The following SPATA6L variants were observed in gnomAD, a reference collection of about 807,000 sequenced individuals.
SPATA6L encodes the protein spermatogenesis associated 6 like.
Under a neutral mutation model 49.2 loss-of-function variants are expected in SPATA6L, and 68 were observed. The ratio of observed to expected loss-of-function variants is 1.38; its 90% CI spans 1.14 to 1.69. The LOEUF is 1.69. SPATA6L is among the 40% of genes most tolerant of loss of function. The pLI, the probability that SPATA6L is intolerant of heterozygous loss-of-function variation, is 0.00. For missense variants in SPATA6L, 668 were observed against 464.3 expected, an observed-to-expected ratio of 1.44 and a Z score of -4.03; for synonymous variants, 198 against 165.7, an observed-to-expected ratio of 1.19 and a Z score of -1.50.
chr9:4,642,164 A>C (rs1453554379), intron 3 of SPATA6L, among the ~76,000 whole-genome samples: 1 of 152,144 alleles, frequency 6.6e-6, no homozygotes, highest in Non-Finnish European at 1.5e-5. Flanking sequence ...TTTTATAGTG[A>C]GATTACTTAG....
chr9:4,651,631 A>T (rs7041319), intron 3 of SPATA6L, among the ~76,000 whole-genome samples: 6 of 151,930 alleles, frequency 3.9e-5, no homozygotes, highest in African/African-American at 7.3e-5. Flanking sequence ...ACATATAGAA[A>T]GGCTTATATA....
At chr9:4,651,314 G>A (rs1836797934) in intron 3 of SPATA6L, among the ~76,000 whole-genome samples, 3 of 152,154 alleles carry the variant, frequency 2.0e-5, no homozygotes, top group Admixed American at 1.3e-4. Flanking sequence ...GACTCAAGAA[G>A]AAACAGAAAA....
intron 6 of SPATA6L, among the ~76,000 whole-genome samples, chr9:4,624,264 T>A (rs1829930170): frequency 6.6e-6 from 1 of 152,210 alleles, no homozygotes; most frequent in Non-Finnish European, 1.5e-5. Context: ...AAAACTAATC[T>A]GTATATACAG....
downstream of SPATA6L, chr9:4,596,588 T>TA (rs1167960390): frequency 6.6e-6 from 1 of 152,196 alleles, no homozygotes; most frequent in African/African-American, 2.4e-5. Context: ...GGGGACTTCC[T>TA]AAAAATGCCG....
chr9:4,600,608 A>T lies in SPATA6L; in HGVS notation c.*203T>A, dbSNP rs1383232665. On this transcript the variant is annotated 3_prime_UTR_variant, in exon 12 of 12. Transcript: ENST00000682582. ...CACAAATTTTCCAGCTTGACAAGAA[A>T]ATGTTAGCCCCCAAACAGCAAACAC... 1.3e-5 allele frequency: 2 copies of T among 152,188 alleles called. No individual in the cohort carries two copies. The highest frequency in any genetic ancestry group is 2.9e-5 in the Non-Finnish European group (2 of 68,030). The allele number at this position is 152,188 out of a possible 1,614,324, so 9.4% of individuals were successfully genotyped here.
chr9:4,648,632 A>G (rs301481), intron 3 of SPATA6L, among the ~76,000 whole-genome samples: 20,868 of 150,878 alleles, frequency 0.14, 2,209 homozygotes, highest in African/African-American at 0.29. Flanking sequence ...CCCGGGAGGC[A>G]GAGCTTGCAG....
At chr9:4,659,301 C>G (rs912553272) in intron 2 of SPATA6L, among the ~76,000 whole-genome samples, 1 of 152,320 alleles carries the variant, frequency 6.6e-6, no homozygotes, top group South Asian at 2.1e-4. Context: ...CATCACTTTC[C>G]AGACCTTTAA....
At chr9:4,665,299 G>T (rs763129978) in intron 1 of SPATA6L, 4 of 157,526 alleles carry the variant, frequency 2.5e-5, no homozygotes, top group Admixed American at 2.0e-4. Context: ...GCCTTGATGA[G>T]GAGGGAGACA....
chr9:4,596,860 G>A (rs1257438872), downstream of SPATA6L, among the ~76,000 whole-genome samples: 1 of 152,174 alleles, frequency 6.6e-6, no homozygotes, highest in African/African-American at 2.4e-5. Flanking sequence ...AGCAGGGTTT[G>A]CAAACTGGCT....
At chr9:4,615,175 G>A (rs747166093) in intron 9 of SPATA6L, among the ~76,000 whole-genome samples, 1 of 152,152 alleles carries the variant, frequency 6.6e-6, no homozygotes, top group African/African-American at 2.4e-5. Context: ...AAACATTCCA[G>A]AAGTACCACC....
At chr9:4,654,043 A>C (rs1174315219) in intron 3 of SPATA6L, among the ~76,000 whole-genome samples, 5 of 152,220 alleles carry the variant, frequency 3.3e-5, no homozygotes. Context: ...ATATCTCATG[A>C]AAATGTGTTC....
rs746519951 is a variant in SPATA6L at position 4,662,009 on chromosome 9, C to G, written c.67G>C (p.Gly23Arg). ...ACCCCGAGGTACACATCTTGTTTGCCAGGCAGGAACACTCCTGGGCAAGAA... is the reference window on the plus strand; with the variant it reads ...ACCCCGAGGTACACATCTTGTTTGCGAGGCAGGAACACTCCTGGGCAAGAA... ...AISCPGVFLP[G>R]KQDVYLGVYL... The change falls in exon 2 of 12, where the codon GGC (glycine) becomes CGC (arginine). Residue 23 changes from glycine to arginine, a missense_variant. Gly to Arg is a moderately radical substitution (Grantham distance 125, BLOSUM62 -2). Coordinates refer to ENST00000682582, the MANE Select transcript of SPATA6L (RefSeq NM_001353486.2). The surrounding 1 kb of genome is among the most constrained non-coding windows in gnomAD (Gnocchi z 4.9). The G allele has an allele frequency of 4.3e-6, 7 of 1,613,928 alleles. No individual in the cohort carries two copies. In the African/African-American group the frequency reaches 9.3e-5, roughly 22 times the overall value.
rs1825863054 is a variant in SPATA6L at position 4,608,484 on chromosome 9, A to C, written c.996-3044T>G. ...TGCAATCAAACTAGAACTCAGGATTAAGAATCTCACTCAAAACCACTCAAC... is the reference window on the plus strand; with the variant it reads ...TGCAATCAAACTAGAACTCAGGATTCAGAATCTCACTCAAAACCACTCAAC... On this transcript the variant is annotated intron_variant, in intron 9 of 11. Coordinates refer to ENST00000682582, the MANE Select transcript of SPATA6L (RefSeq NM_001353486.2). 1.2e-4 allele frequency among the ~76,000 whole-genome samples: 13 copies of C among 112,820 alleles called. 1 individual carries two copies. In the South Asian group the frequency reaches 4.3e-3, roughly 37 times the overall value. The allele number at this position is 112,820 out of a possible 152,430, so 74.0% of individuals were successfully genotyped here.
intron 9 of SPATA6L, among the ~76,000 whole-genome samples, chr9:4,610,079 C>A (rs994434913): frequency 7.2e-5 from 11 of 152,086 alleles, no homozygotes; most frequent in Non-Finnish European, 1.5e-4. Flanking sequence ...CCTAGGAATC[C>A]AACTTACAAG....
intron 3 of SPATA6L, chr9:4,646,311 T>C: frequency 2.5e-6 from 1 of 402,458 alleles, no homozygotes; most frequent in South Asian, 1.0e-4. Context: ...ATTCTGAAAA[T>C]AGACAAAATT....
At chr9:4,612,772 C>G (rs1389820515) in intron 9 of SPATA6L, among the ~76,000 whole-genome samples, 1 of 152,152 alleles carries the variant, frequency 6.6e-6, no homozygotes, top group African/African-American at 2.4e-5. Context: ...TGATTGAATT[C>G]ATTCTCTCGT....
Position 4,662,002 on chromosome 9 carries a change from T to C in SPATA6L, c.74A>G (p.Gln25Arg), listed in dbSNP as rs1268268973. The C allele has an allele frequency of 6.2e-7, 1 of 1,614,084 alleles. No individual in the cohort carries two copies. Reference sequence around the variant, plus strand: ...GAGGTAGACCCCGAGGTACACATCTTGTTTGCCAGGCAGGAACACTCCTGG... The same window carrying C: ...GAGGTAGACCCCGAGGTACACATCTCGTTTGCCAGGCAGGAACACTCCTGG... ...SCPGVFLPGK[Q>R]DVYLGVYLMN... Residue 25 changes from glutamine to arginine, a missense_variant, in exon 2 of 12, where the codon CAA becomes CGA. Transcript: ENST00000682582. This position sits in a 1 kb window ranked among gnomAD's most constrained non-coding sequence, Gnocchi z 4.9.
Position 4,599,150 on chromosome 9 carries a change from C to A in SPATA6L, c.*1661G>T. Among the ~76,000 whole-genome samples, 1 of 152,266 alleles carries A rather than the reference C, an allele frequency of 6.6e-6. No homozygotes were observed. Among genetic ancestry groups the A allele is most frequent in the African/African-American group, 2.4e-5 (1 of 41,558 alleles). On this transcript the variant is annotated 3_prime_UTR_variant, in exon 12 of 12. Coordinates refer to ENST00000682582, the MANE Select transcript of SPATA6L (RefSeq NM_001353486.2). ...ATTTTAAATAATTTGGAGCATGAAA[C>A]AAAGTTTCGAATGCATTTGACTGCA...
intron 3 of SPATA6L, among the ~76,000 whole-genome samples, chr9:4,641,041 A>G (rs992770992): frequency 1.3e-5 from 2 of 152,372 alleles, no homozygotes; most frequent in African/African-American, 4.8e-5. Context: ...TGCAGAATAT[A>G]TATAGTCAAC....
Sources: gnomAD v4.1 joint callset for allele counts (sites outside exome capture counted in the v4.1 genomes callset) on GRCh38, gnomAD v4.1.1 for gene constraint, Gnocchi (gnomAD v3.1) non-coding constraint, MANE v1.5 for transcripts, NCBI Gene and HGNC (gene_info 2026-07-23, HGNC 2026-07-21) for gene names.